The following CPE variants were observed in gnomAD, a reference collection of about 807,000 sequenced individuals.
The protein encoded by CPE is carboxypeptidase E.
A neutral mutation model predicts 53.5 loss-of-function variants in CPE; 17 were observed. That is an observed-to-expected ratio of 0.32 (90% CI 0.22 to 0.48). CPE has a LOEUF of 0.48. Among genes scored for constraint, CPE ranks in the 20% least tolerant of loss-of-function variants. The pLI is 0.99. For synonymous variants in CPE, 226 were observed against 228.8 expected (o/e 0.99, Z 0.11); for missense variants, 524 against 614.7 (o/e 0.85, Z 1.56).
intron 1 of CPE, among the ~76,000 whole-genome samples, chr4:165,444,436 C>T (rs555822355): frequency 4.6e-5 from 7 of 151,670 alleles, no homozygotes; most frequent in African/African-American, 9.7e-5. Context: ...CCAAGGCAGG[C>T]GAATTGCCTG....
intron 1 of CPE, among the ~76,000 whole-genome samples, chr4:165,446,683 A>G (rs771835316): frequency 6.6e-6 from 1 of 152,154 alleles, no homozygotes; most frequent in African/African-American, 2.4e-5. Context: ...AAAAATAATA[A>G]TTTTTATTGC....
chr4:165,476,891 A>G (rs1351231008), intron 3 of CPE, among the ~76,000 whole-genome samples: 1 of 151,598 alleles, frequency 6.6e-6, no homozygotes, highest in Non-Finnish European at 1.5e-5. Flanking sequence ...GGAGCCAGAA[A>G]GGCGGCAGGC....
intron 1 of CPE, chr4:165,404,904 C>T (rs1207600459): frequency 9.2e-6 from 7 of 760,758 alleles, no homozygotes; most frequent in African/African-American, 6.8e-5. Context: ...CTGACAGCAG[C>T]GATTTCACTG....
At chr4:165,487,297 AT>A in intron 5 of CPE, 140 bp from the exon 6 acceptor site, 1 of 1,101,858 alleles carries the variant, frequency 9.1e-7, no homozygotes, top group Non-Finnish European at 1.3e-6. Flanking sequence ...ACAGCAGATG[AT>A]TTCCCTTAAG....
chr4:165,453,354 T>TCCTTCCTTCCTTTC (rs1731846778), intron 1 of CPE, among the ~76,000 whole-genome samples: 1 of 148,850 alleles, frequency 6.7e-6, no homozygotes, highest in African/African-American at 2.5e-5. Context: ...CTTCCTTCCT[T>TCCTTCCTTCCTTTC]TCTCTCTCTC....
intron 1 of CPE, among the ~76,000 whole-genome samples, chr4:165,439,178 G>GACCA (rs779018521): frequency 6.6e-6 from 1 of 152,118 alleles, no homozygotes; most frequent in Non-Finnish European, 1.5e-5. Context: ...TTGAAAAACC[G>GACCA]ACCAACCAAC....
In CPE at chr4:165,479,746, C is replaced by T. The variant is rs142057418; in HGVS notation, c.673-2496C>T. Among the ~76,000 whole-genome samples the T allele has an allele frequency of 5.9e-5, 9 of 152,122 alleles. No individual in the cohort carries two copies. In the South Asian group the frequency reaches 1.7e-3, roughly 28 times the overall value. On this transcript the variant is annotated intron_variant, in intron 3 of 8. Coordinates refer to ENST00000402744, the MANE Select transcript of CPE (RefSeq NM_001873.4). ...GAAAAGCTATGCATTTCTCCCAGCA[C>T]TTTGGGAGGCCGAGGCGGGCGGATC...
chr4:165,396,516 C>G (rs1579241961), intron 1 of CPE, among the ~76,000 whole-genome samples: 2 of 151,616 alleles, frequency 1.3e-5, no homozygotes, highest in East Asian at 3.9e-4. Context: ...TACTAAAATA[C>G]AAAAATTAGC....
At chr4:165,387,352 A>G (rs773705293) in intron 1 of CPE, among the ~76,000 whole-genome samples, 7 of 152,254 alleles carry the variant, frequency 4.6e-5, no homozygotes, top group African/African-American at 1.7e-4. Context: ...TTTGTTTTCT[A>G]CAGAAATCTC....
At chr4:165,478,751 C>T (rs1300091502) in intron 3 of CPE, among the ~76,000 whole-genome samples, 2 of 152,186 alleles carry the variant, frequency 1.3e-5, no homozygotes, top group African/African-American at 4.8e-5. Flanking sequence ...ATAACAAACA[C>T]AGGAATACAG....
chr4:165,493,891 T>G (rs1016077846), intron 7 of CPE, among the ~76,000 whole-genome samples: 1 of 152,208 alleles, frequency 6.6e-6, no homozygotes, highest in African/African-American at 2.4e-5. Flanking sequence ...CTACTCGCAT[T>G]AATAAACATT....
intron 1 of CPE, among the ~76,000 whole-genome samples, chr4:165,458,847 A>G (rs1731945861): frequency 6.6e-6 from 1 of 152,246 alleles, no homozygotes; most frequent in African/African-American, 2.4e-5. Context: ...CAGACTGATC[A>G]TGGGGCCAAA....
At chr4:165,401,939 A>G (rs1427942247) in intron 1 of CPE, among the ~76,000 whole-genome samples, 1 of 152,198 alleles carries the variant, frequency 6.6e-6, no homozygotes, top group African/African-American at 2.4e-5. Flanking sequence ...CTGATAGAGT[A>G]ATACTGGCAT....
At chr4:165,456,601 C>G (rs192173052) in intron 1 of CPE, among the ~76,000 whole-genome samples, 2 of 152,056 alleles carry the variant, frequency 1.3e-5, no homozygotes, top group Admixed American at 6.6e-5. Flanking sequence ...GAGTCTTGCT[C>G]TGTCGCCCAG....
chr4:165,492,202 A>G (rs1044085869), intron 6 of CPE, among the ~76,000 whole-genome samples: 2 of 152,220 alleles, frequency 1.3e-5, no homozygotes, highest in African/African-American at 2.4e-5. Flanking sequence ...TTCTTTCTAA[A>G]TCAACATTCT....
Position 165,451,647 on chromosome 4 carries a change from A to G in CPE, c.308-12743A>G, listed in dbSNP as rs1731812088. ...GCTGGGATTACAGGCACATGCCACC[A>G]CGGCTGGCTAATTTTTGAATTTTTA... On this transcript the variant is annotated intron_variant, in intron 1 of 8. Transcript: ENST00000402744. Among the ~76,000 whole-genome samples, 3 of 151,980 alleles carry G rather than the reference A, an allele frequency of 2.0e-5. 1 individual carries two copies.
chr4:165,487,741 A>G (rs1233086025), intron 6 of CPE, among the ~76,000 whole-genome samples, 164 bp downstream of exon 6: 1 of 152,134 alleles, frequency 6.6e-6, no homozygotes, highest in Admixed American at 6.5e-5. Flanking sequence ...TTTATTTGTC[A>G]TAGGTTTTGT....
At chr4:165,489,409 A>T (rs1248715818) in intron 6 of CPE, among the ~76,000 whole-genome samples, 1 of 152,188 alleles carries the variant, frequency 6.6e-6, no homozygotes, top group East Asian at 1.9e-4. Flanking sequence ...GGCACTGGGG[A>T]TAGTGACCGT....
intron 1 of CPE, chr4:165,404,276 A>G (rs1164306692): frequency 3.9e-6 from 3 of 769,304 alleles, no homozygotes; most frequent in African/African-American, 1.7e-5. Flanking sequence ...AGGTGTGGCC[A>G]AGATCCCCTC....
Sources: allele counts gnomAD v4.1 joint callset (sites outside exome capture counted in the v4.1 genomes callset), GRCh38; gene constraint gnomAD v4.1.1; transcripts MANE v1.5; gene names NCBI Gene and HGNC (gene_info 2026-07-23, HGNC 2026-07-21).